The following ANTXR2 variants were observed in gnomAD, a reference collection of about 807,000 sequenced individuals.
ANTXR2 encodes ANTXR cell adhesion molecule 2.
ANTXR2 carries 44 observed loss-of-function variants against 73.7 expected under a neutral mutation model. The observed-to-expected ratio is 0.60, with a 90% CI of 0.47 to 0.77. The LOEUF (loss-of-function observed/expected upper bound fraction) is 0.77, where lower values mean the gene tolerates loss of function less well. ANTXR2 is among the 30% of genes least tolerant of loss of function. ANTXR2 has a pLI of 0.00. For synonymous variants in ANTXR2, 217 were observed against 205.9 expected (o/e 1.05, Z -0.46); for missense variants, 604 against 592.5 (o/e 1.02, Z -0.20).
intron 11 of ANTXR2, among the ~76,000 whole-genome samples, chr4:80,014,004 G>A (rs781490143): frequency 1.2e-4 from 18 of 152,080 alleles, no homozygotes; most frequent in Admixed American, 9.2e-4. Flanking sequence ...GTGACCCCTC[G>A]GACATTTTCT....
rs968577376 is a variant in ANTXR2 at position 79,966,910 on chromosome 4, G to A, written c.1428+10711C>T. ...GCGACTATAAGAATAGGGCGTCCGG[G>A]GAGGAGCCAAGATGGCCGAATAGGA... On this transcript the variant is annotated intron_variant, in intron 16 of 16. Transcript: ENST00000403729. Among the ~76,000 whole-genome samples the A allele has an allele frequency of 2.1e-4, 5 of 24,312 alleles. 1 individual carries two copies. The highest frequency in any genetic ancestry group is 2.9e-4 in the African/African-American group (5 of 17,086). 15.9% of individuals were successfully genotyped at this position (24,312 alleles called of 152,430 possible).
At chr4:79,984,729 AT>A in intron 13 of ANTXR2, 89 bp downstream of exon 13, 1 of 1,110,504 alleles carries the variant, frequency 9.0e-7, no homozygotes, top group Non-Finnish European at 1.3e-6. Context: ...TATCATAGTT[AT>A]CTAACAGACA....
At position 80,054,359 on chromosome 4, in the gene ANTXR2, A is replaced by G; in HGVS notation, c.556-7T>C. ...AATCAGCAATTCTTTCAAGCTTTAG[A>G]AAGAAGAGGAAGACTTAATTAAGGA... On this transcript the variant is annotated splice_polypyrimidine_tract_variant and splice_region_variant and intron_variant, in intron 6 of 16. Transcript: ENST00000403729. The G allele has an allele frequency of 1.3e-6, 2 of 1,575,658 alleles. No homozygotes were observed. The highest frequency in any genetic ancestry group is 8.6e-7 in the Non-Finnish European group (1 of 1,160,522).
chr4:79,937,695 AGT>A (rs1223887727), intron 16 of ANTXR2, among the ~76,000 whole-genome samples: 1 of 152,122 alleles, frequency 6.6e-6, no homozygotes, highest in African/African-American at 2.4e-5. Context: ...GCACTGTGAT[AGT>A]GTTTTTAAAA....
At chr4:79,946,786 G>T (rs1728532828) in intron 16 of ANTXR2, among the ~76,000 whole-genome samples, 1 of 152,064 alleles carries the variant, frequency 6.6e-6, no homozygotes, top group African/African-American at 2.4e-5. Flanking sequence ...CCCTGTTTTT[G>T]TTTTTAATTG....
Position 79,978,051 on chromosome 4 carries a change from G to A in ANTXR2, c.1303C>T (p.Pro435Ser). 6.2e-7 allele frequency: 1 copy of A among 1,611,894 alleles called. No homozygotes were observed. Among genetic ancestry groups the A allele is most frequent in the Non-Finnish European group, 8.5e-7 (1 of 1,179,174 alleles). ...TTTGTCTGAGGAGGCTGGTGTGTGGGTTTGGGTCGAGGTGGTCTAGGCCTG... is the reference window on the plus strand; with the variant it reads ...TTTGTCTGAGGAGGCTGGTGTGTGGATTTGGGTCGAGGTGGTCTAGGCCTG... The part of the protein sequence containing the change: ...PIRPRPPRPK[P>S]THQPPQTKWY... Residue 435 changes from proline to serine, a missense_variant, in exon 15 of 17, where the codon CCC becomes TCC. By Grantham distance (74) the Pro-to-Ser change is moderately conservative. Transcript: ENST00000403729.
chr4:80,006,643 G>C (rs1449272191), intron 12 of ANTXR2, among the ~76,000 whole-genome samples: 3 of 152,060 alleles, frequency 2.0e-5, no homozygotes, highest in African/African-American at 7.2e-5. Flanking sequence ...TCCATGATTT[G>C]AGATCTGTAG....
intron 12 of ANTXR2, among the ~76,000 whole-genome samples, chr4:79,985,406 A>G (rs1043605584): frequency 9.2e-5 from 14 of 152,208 alleles, no homozygotes; most frequent in Admixed American, 3.9e-4. Context: ...AAGTGGTACT[A>G]TGTGACTTCT....
chr4:80,030,718 C>A (rs1732652175), intron 10 of ANTXR2, among the ~76,000 whole-genome samples: 1 of 151,966 alleles, frequency 6.6e-6, no homozygotes, highest in African/African-American at 2.4e-5. Context: ...CTTAAAAATG[C>A]TAGAATGATT....
chr4:79,978,705 G>A (rs35732928), intron 14 of ANTXR2, among the ~76,000 whole-genome samples: 10,587 of 152,232 alleles, frequency 0.07, 451 homozygotes, highest in Middle Eastern at 0.11. Flanking sequence ...TAAGTGATAT[G>A]CCCAAAGCCA....
chr4:80,017,900 T>C (rs1560997082), intron 11 of ANTXR2, among the ~76,000 whole-genome samples: 1 of 152,122 alleles, frequency 6.6e-6, no homozygotes, highest in Non-Finnish European at 1.5e-5. Context: ...ATTTTCAAAA[T>C]AGAAGTAGCT....
intron 10 of ANTXR2, among the ~76,000 whole-genome samples, chr4:80,021,149 C>CAAAAA (rs35390197): frequency 4.8e-4 from 29 of 60,560 alleles, no homozygotes; most frequent in East Asian, 1.2e-3. Flanking sequence ...GACTCCATCT[C>CAAAAA]AAAAAAAAAA....
intron 16 of ANTXR2, among the ~76,000 whole-genome samples, chr4:79,916,197 T>C (rs893026359): frequency 1.3e-5 from 2 of 152,108 alleles, no homozygotes; most frequent in African/African-American, 2.4e-5. Flanking sequence ...AATTCAGGCA[T>C]ACAGTTGGCA....
At chr4:79,961,521 A>C (rs148330134) in intron 16 of ANTXR2, among the ~76,000 whole-genome samples, 1 of 152,034 alleles carries the variant, frequency 6.6e-6, no homozygotes, top group Non-Finnish European at 1.5e-5. Flanking sequence ...TGCAGCCTTG[A>C]CATCCCTGGC....
At chr4:79,935,424 C>T (rs1032017744) in intron 16 of ANTXR2, among the ~76,000 whole-genome samples, 12 of 148,738 alleles carry the variant, frequency 8.1e-5, no homozygotes, top group African/African-American at 2.2e-4. Flanking sequence ...GATCACAATA[C>T]GAAAATAAAT....
chr4:80,004,567 C>T (rs1043943184), intron 12 of ANTXR2, among the ~76,000 whole-genome samples: 22 of 152,188 alleles, frequency 1.4e-4, no homozygotes, highest in African/African-American at 4.8e-4. Flanking sequence ...CTTGTGGCTG[C>T]ATCACTCCAA....
At chr4:79,990,144 CAGAA>C (rs1179912763) in intron 12 of ANTXR2, among the ~76,000 whole-genome samples, 2 of 151,724 alleles carry the variant, frequency 1.3e-5, no homozygotes, top group Non-Finnish European at 2.9e-5. Flanking sequence ...AATCAGATAA[CAGAA>C]AGAAATAAAA....
intron 16 of ANTXR2, among the ~76,000 whole-genome samples, chr4:79,931,128 A>G (rs959119076): frequency 2.0e-5 from 3 of 152,170 alleles, no homozygotes; most frequent in African/African-American, 7.2e-5. Flanking sequence ...ACCAAACCTC[A>G]CATTATGTAT....
intron 9 of ANTXR2, 92 bp downstream of exon 9, chr4:80,033,380 T>G: frequency 3.6e-6 from 3 of 839,618 alleles, no homozygotes; most frequent in Non-Finnish European, 5.6e-6. Context: ...AAAAAATATG[T>G]CAGTTAGTTT....
Sources: gnomAD v4.1 joint callset for allele counts (sites outside exome capture counted in the v4.1 genomes callset) on GRCh38, gnomAD v4.1.1 for gene constraint, MANE v1.5 for transcripts, NCBI Gene and HGNC (gene_info 2026-07-23, HGNC 2026-07-21) for gene names.